CAPN15: variants seen among roughly 807,000 people sequenced by gnomAD.
CAPN15 encodes calpain 15, also known as calpain-15.
Under a neutral mutation model 97.9 loss-of-function variants are expected in CAPN15, and 53 were observed. The observed-to-expected ratio is 0.54, with a 90% CI of 0.43 to 0.68. CAPN15 has a LOEUF of 0.68. CAPN15 is among the 30% of genes least tolerant of loss of function. The probability of loss-of-function intolerance (pLI) is 0.00; values close to 1 mark genes in which losing one functional copy is unlikely to be tolerated. For synonymous variants in CAPN15, 922 were observed against 722.5 expected, an observed-to-expected ratio of 1.28 and a Z score of -4.43; for missense variants, 1,592 against 1,589.8, an observed-to-expected ratio of 1.00 and a Z score of -0.02.
At chr16:550,613 C>T (rs950581119) in intron 7 of CAPN15, among the ~76,000 whole-genome samples, 2 of 149,092 alleles carry the variant, frequency 1.3e-5, no homozygotes, top group East Asian at 2.0e-4. Flanking sequence ...TCAGCCATGC[C>T]CCTGGTTAGT....
At chr16:542,128 G>A (rs1221205836) in intron 3 of CAPN15, among the ~76,000 whole-genome samples, 1 of 152,260 alleles carries the variant, frequency 6.6e-6, no homozygotes, top group African/African-American at 2.4e-5. Context: ...CCAGATTCAT[G>A]CACCTGCAGC....
chr16:530,171 CAT>C (rs1242227366), intron 1 of CAPN15, among the ~76,000 whole-genome samples: 1 of 152,258 alleles, frequency 6.6e-6, no homozygotes, highest in African/African-American at 2.4e-5. Context: ...GTGCGGTTCT[CAT>C]GTGACCCTGT....
At chr16:536,583 C>T (rs1208695570) in intron 3 of CAPN15, among the ~76,000 whole-genome samples, 1 of 152,166 alleles carries the variant, frequency 6.6e-6, no homozygotes, top group African/African-American at 2.4e-5. Flanking sequence ...CCACCACGCC[C>T]AGCTAATTTT....
chr16:547,073 T>C lies in CAPN15; in HGVS notation c.235T>C (p.Phe79Leu). 1 of 1,599,468 alleles carries C rather than the reference T, an allele frequency of 6.3e-7. No homozygotes were observed. Among genetic ancestry groups the C allele is most frequent in the Non-Finnish European group, 8.5e-7 (1 of 1,175,076 alleles). Reference sequence around the variant, plus strand: ...CCCGGAGCCTGCGCCTGGGGCTGCCTTCCTGCCAGTCCTCAACGGGGTCCT... The same window carrying C: ...CCCGGAGCCTGCGCCTGGGGCTGCCCTCCTGCCAGTCCTCAACGGGGTCCT... Reference protein sequence around the residue: ...FTPEPAPGAAFLPVLNGVLPK... With the variant: ...FTPEPAPGAALLPVLNGVLPK... The change falls in exon 4 of 14, where the codon TTC becomes CTC. Residue 79 changes from phenylalanine to leucine, a missense_variant. Transcript: ENST00000219611.
Position 546,830 on chromosome 16 carries a change from C to G in CAPN15, c.-9C>G, listed in dbSNP as rs529612301. On this transcript the variant is annotated 5_prime_UTR_variant, in exon 4 of 14. Coordinates refer to ENST00000219611, the MANE Select transcript of CAPN15 (RefSeq NM_005632.3). The stretch of plus-strand genomic sequence containing the variant: ...CTTCCCTTGCAGCCACACCCACTCG[C>G]CCGGGTCTATGGCCACGGTCGGAGA... 4 of 1,592,498 alleles carry G rather than the reference C, an allele frequency of 2.5e-6. No homozygotes were observed. Among genetic ancestry groups the G allele is most frequent in the Non-Finnish European group, 3.4e-6 (4 of 1,166,876 alleles).
At position 553,502 on chromosome 16, in the gene CAPN15, C is replaced by A; in HGVS notation, c.3247C>A (p.Pro1083Thr). Residue 1083 changes from proline (P) to threonine (T), a missense_variant, in exon 14 of 14, where the codon CCC (proline) becomes ACC (threonine). Physicochemically the swap from Pro to Thr is conservative, Grantham distance 38. Coordinates refer to ENST00000219611, the MANE Select transcript of CAPN15 (RefSeq NM_005632.3). ...GCCAGAGGTCGCCGGTCTGCATGGG[C>A]CCCGACCGCTGTGACCACCATGCCT... is the stretch of plus-strand genomic sequence containing the variant. ...LTPEVAGLHG[P>T]RPL 6.2e-7 allele frequency: 1 copy of A among 1,606,696 alleles called. No homozygotes were observed. The highest frequency in any genetic ancestry group is 1.7e-5 in the Admixed American group (1 of 59,634).
intron 3 of CAPN15, among the ~76,000 whole-genome samples, chr16:544,049 T>C (rs2034353369): frequency 2.6e-5 from 4 of 152,046 alleles, no homozygotes; most frequent in Admixed American, 2.6e-4. Flanking sequence ...GCGCCCTCAA[T>C]CAGTAAGTCA....
Position 549,041 on chromosome 16 carries a change from G to C in CAPN15, c.1498G>C (p.Val500Leu). 1 of 1,612,766 alleles carries C rather than the reference G, an allele frequency of 6.2e-7. No individual in the cohort carries two copies. The highest frequency in any genetic ancestry group is 1.1e-5 in the South Asian group (1 of 91,088). Residue 500 changes from valine (V) to leucine (L), a missense_variant, in exon 5 of 14, where the codon GTC (valine) becomes CTC (leucine). Physicochemically the swap from Val to Leu is conservative, Grantham distance 32. Around this residue, in one of 3 missense-constraint regions of CAPN15, gnomAD observed 883 missense variants for 776.6 expected, o/e 1.14. Transcript: ENST00000219611. Reference protein sequence around the residue: ...DDSFPPGPESVGFPAGDSVQQ... With the variant: ...DDSFPPGPESLGFPAGDSVQQ... ...CAGCTTCCCTCCCGGGCCCGAGTCT[G>C]TCGGCTTCCCCGCGGGTGACAGCGT...
chr16:543,687 G>A (rs927776715), intron 3 of CAPN15, among the ~76,000 whole-genome samples: 11 of 152,292 alleles, frequency 7.2e-5, no homozygotes, highest in South Asian at 2.1e-4. Context: ...AGCGGTGGGC[G>A]AGCAGACTGC....
At chr16:529,231 G>A (rs1596312817) in intron 1 of CAPN15, among the ~76,000 whole-genome samples, 1 of 152,080 alleles carries the variant, frequency 6.6e-6, no homozygotes, top group South Asian at 2.1e-4. Flanking sequence ...AGGAGAGCCC[G>A]AGGCTCAGTA....
At chr16:551,798 C>T (rs750113573) in intron 9 of CAPN15, 134 bp downstream of exon 9, 6 of 1,208,980 alleles carry the variant, frequency 5.0e-6, no homozygotes, top group African/African-American at 4.5e-5. Flanking sequence ...GGACCTGGAG[C>T]TTCAGCTCCA....
chr16:542,497 C>G (rs1356537273), intron 3 of CAPN15, among the ~76,000 whole-genome samples: 1 of 152,158 alleles, frequency 6.6e-6, no homozygotes, highest in African/African-American at 2.4e-5. Context: ...CTGGTGTCCC[C>G]TTGGCTTTGA....
chr16:533,860 G>A (rs905314289), intron 1 of CAPN15, 86 bp from the exon 2 acceptor site: 1 of 615,716 alleles, frequency 1.6e-6, no homozygotes, highest in Non-Finnish European at 2.0e-6. Flanking sequence ...CTCCTGCAGA[G>A]AGGGCTGGAG....
In CAPN15 at chr16:554,609, G is replaced by A. The variant is rs1226011110; in HGVS notation, c.*1093G>A. The A allele has an allele frequency of 2.2e-6, 1 of 456,238 alleles. No homozygotes were observed. The highest frequency in any genetic ancestry group is 4.4e-6 in the Non-Finnish European group (1 of 226,730). 28.3% of individuals were successfully genotyped at this position (456,238 alleles called of 1,614,324 possible). On this transcript the variant is annotated 3_prime_UTR_variant, in exon 14 of 14. Transcript: ENST00000219611. ...GTGGCTTCCGACTCAGGCTCCAATG[G>A]ACCAAATAAAAGCGTTTTGTTTTGT...
intron 3 of CAPN15, among the ~76,000 whole-genome samples, chr16:544,609 G>A (rs1362140555): frequency 5.3e-5 from 8 of 152,022 alleles, no homozygotes; most frequent in Non-Finnish European, 8.8e-5. Flanking sequence ...TGGGGCGCGC[G>A]GGTCTTTTGT....
In CAPN15 at chr16:536,121, G is replaced by A. The variant is rs958095114; in HGVS notation, c.-44G>A. ...TTCACGTGTGCCCAGGCCCTGAGGTGGGCCGGACCTGGGAGTGGCAGGTGA... is the reference window on the plus strand; with the variant it reads ...TTCACGTGTGCCCAGGCCCTGAGGTAGGCCGGACCTGGGAGTGGCAGGTGA... On this transcript the variant is annotated 5_prime_UTR_variant, in exon 3 of 14. Transcript: ENST00000219611. 44 of 983,028 alleles carry A rather than the reference G, an allele frequency of 4.5e-5. No individual in the cohort carries two copies. The highest frequency in any genetic ancestry group is 5.3e-5 in the Non-Finnish European group (44 of 828,036). The allele number at this position is 983,028 out of a possible 1,614,324, so 60.9% of individuals were successfully genotyped here.
intron 3 of CAPN15, among the ~76,000 whole-genome samples, chr16:543,546 C>T (rs553896187): frequency 2.0e-5 from 3 of 152,234 alleles, no homozygotes; most frequent in South Asian, 2.1e-4. Flanking sequence ...TCCCCTGGGT[C>T]GGCATCCCTG....
In CAPN15 at chr16:551,277, C is replaced by T. The variant is rs199521925; in HGVS notation, c.2067-25C>T. 4,082 of 1,556,236 alleles carry T rather than the reference C, an allele frequency of 2.6e-3. 11 individuals carry two copies. Among genetic ancestry groups the T allele is most frequent in the Non-Finnish European group, 3.2e-3 (3,697 of 1,146,720 alleles). On this transcript the variant is annotated intron_variant, in intron 7 of 13. Coordinates refer to ENST00000219611, the MANE Select transcript of CAPN15 (RefSeq NM_005632.3). The stretch of plus-strand genomic sequence containing the variant: ...GTCCCCTGTCGGTGAGGGTCCCGGT[C>T]GGTGAGGGCCGCTCTGCCACACAGG...
intron 1 of CAPN15, among the ~76,000 whole-genome samples, 178 bp downstream of exon 1, chr16:528,207 C>T (rs1321192390): frequency 1.3e-5 from 2 of 151,670 alleles, no homozygotes; most frequent in Non-Finnish European, 2.9e-5. Flanking sequence ...GGGGTCAGCC[C>T]GCCGCCCGCT....
Sources: gnomAD v4.1 joint callset for allele counts (sites outside exome capture counted in the v4.1 genomes callset) on GRCh38, gnomAD v4.1.1 for gene constraint, gnomAD v4.1.1 regional missense constraint, MANE v1.5 for transcripts, NCBI Gene and HGNC (gene_info 2026-07-23, HGNC 2026-07-21) for gene names.